Variants in C6orf62 observed in about 807,000 individuals in gnomAD.
C6orf62 encodes the protein uncharacterized protein C6orf62.
C6orf62 carries 16 observed loss-of-function variants against 26.8 expected under a neutral mutation model. The ratio of observed to expected loss-of-function variants is 0.60; its 90% CI spans 0.40 to 0.91. The LOEUF is 0.91. C6orf62 is among the 40% of genes least tolerant of loss of function. The pLI, the probability that C6orf62 is intolerant of heterozygous loss-of-function variation, is 0.00. For missense variants in C6orf62, 192 were observed against 271.4 expected (o/e 0.71, Z 2.06); for synonymous variants, 112 against 91.5 (o/e 1.22, Z -1.28).
At position 24,706,198 on chromosome 6, in the gene C6orf62, T is replaced by C. The variant is rs1355410740; in HGVS notation, c.629A>G (p.Gln210Arg). Residue 210 changes from glutamine (Q) to arginine (R), a missense_variant, in exon 5 of 5, where the codon CAG (glutamine) becomes CGG (arginine). Transcript: ENST00000378119. ...CSICLYLPQE[Q>R]LTHWAVGTIE... The stretch of plus-strand genomic sequence containing the variant: ...GGTGCCAACTGCCCAGTGGGTGAGC[T>C]GTTCCTGTGGCAGGTAGAGGCAGAT... The C allele has an allele frequency of 3.1e-6, 5 of 1,614,224 alleles. No individual in the cohort carries two copies. The highest frequency in any genetic ancestry group is 3.4e-6 in the Non-Finnish European group (4 of 1,180,044).
At chr6:24,715,848 CAAAAA>C (rs139717677) in intron 2 of C6orf62, among the ~76,000 whole-genome samples, 3 of 63,848 alleles carry the variant, frequency 4.7e-5, no homozygotes, top group East Asian at 4.6e-4. Context: ...GACTTTGTCT[CAAAAA>C]AAAAAAAAAA....
At chr6:24,715,206 G>C (rs1390249965) in intron 2 of C6orf62, among the ~76,000 whole-genome samples, 13 of 152,152 alleles carry the variant, frequency 8.5e-5, no homozygotes, top group Admixed American at 7.9e-4. Context: ...ATTGTAGCCA[G>C]CATATTAATT....
chr6:24,719,946 G>C (rs1221256874), upstream of C6orf62: 2 of 1,550,294 alleles, frequency 1.3e-6, no homozygotes, highest in African/African-American at 1.4e-5. Context: ...GGGCGGGAGA[G>C]GGTAAATGGG....
rs148471432 is a variant in C6orf62 at position 24,716,285 on chromosome 6, G to C, written c.169C>G (p.Pro57Ala). The C allele has an allele frequency of 5.0e-6, 8 of 1,613,780 alleles. No homozygotes were observed. Among genetic ancestry groups the C allele is most frequent in the Non-Finnish European group, 5.9e-6 (7 of 1,179,854 alleles). ...SALFEVSEVIPVMTNNYEENI... is the reference protein window; with the variant it reads ...SALFEVSEVIAVMTNNYEENI... ...TCTTCATAATTATTTGTCATGACTG[G>C]TATAACCTCAGACACTTCAAAAAGT... The change falls in exon 2 of 5, where the codon CCA (proline) becomes GCA (alanine). Residue 57 changes from proline (P) to alanine (A), a missense_variant. Transcript: ENST00000378119.
At chr6:24,713,303 G>A (rs1409675735) in intron 3 of C6orf62, among the ~76,000 whole-genome samples, 4 of 152,140 alleles carry the variant, frequency 2.6e-5, no homozygotes, top group African/African-American at 9.7e-5. Flanking sequence ...TCTTATGTAT[G>A]TAACCAATGG....
upstream of C6orf62, chr6:24,720,355 T>C: frequency 3.2e-6 from 4 of 1,236,250 alleles, no homozygotes; most frequent in Non-Finnish European, 2.0e-6. Context: ...ACCAGCCAAC[T>C]GAGCCCCTCC....
At chr6:24,719,231 G>T (rs1324120707), upstream of C6orf62, 2 of 986,084 alleles carry the variant, frequency 2.0e-6, no homozygotes, top group South Asian at 4.6e-5. Context: ...GAATGAAACT[G>T]AAATATCCAA....
intron 3 of C6orf62, chr6:24,709,301 T>TA (rs1779074836): frequency 1.0e-6 from 1 of 985,252 alleles, no homozygotes; most frequent in African/African-American, 1.7e-5. Context: ...TCCACGATCA[T>TA]AAAATTGTAT....
At chr6:24,707,184 A>C (rs1008265389) in intron 4 of C6orf62, 1 of 152,212 alleles carries the variant, frequency 6.6e-6, no homozygotes, top group Non-Finnish European at 1.5e-5. Flanking sequence ...TAAATGTAAC[A>C]ACCTTACGTT....
rs1165477957 is a variant in C6orf62 at position 24,705,304 on chromosome 6, C to A, written c.*833G>T. 1 of 152,352 alleles carries A rather than the reference C, an allele frequency of 6.6e-6. No individual in the cohort carries two copies. The highest frequency in any genetic ancestry group is 2.4e-5 in the African/African-American group (1 of 41,294). 9.4% of individuals were successfully genotyped at this position (152,352 alleles called of 1,614,324 possible). A position where few individuals can be genotyped will look rare whatever the true frequency, so the allele number is the denominator to read the frequency against. Reference sequence around the variant, plus strand: ...TTTCTTTGTAATAAAAATCTCTTCTCTGTAAAACCAAAAACAAAACAAAAC... The same window carrying A: ...TTTCTTTGTAATAAAAATCTCTTCTATGTAAAACCAAAAACAAAACAAAAC... On this transcript the variant is annotated 3_prime_UTR_variant, in exon 5 of 5. Transcript: ENST00000378119.
At chr6:24,713,520 AAAG>A (rs1410948784) in intron 3 of C6orf62, among the ~76,000 whole-genome samples, 56 of 152,222 alleles carry the variant, frequency 3.7e-4, no homozygotes. Context: ...AGCTTAAAAT[AAAG>A]AAGCCTTCTA....
At chr6:24,707,882 G>A (rs766312404) in intron 4 of C6orf62, among the ~76,000 whole-genome samples, 98 of 151,802 alleles carry the variant, frequency 6.5e-4, no homozygotes, top group Non-Finnish European at 2.1e-4. Context: ...GTGGTGGCGG[G>A]CACCTGTAGT....
chr6:24,707,856 A>AG (rs1239979546), intron 4 of C6orf62, among the ~76,000 whole-genome samples: 2 of 151,826 alleles, frequency 1.3e-5, no homozygotes, highest in Non-Finnish European at 2.9e-5. Flanking sequence ...CAAAAAAAAA[A>AG]AAAAATTAGC....
intron 4 of C6orf62, chr6:24,707,087 ACT>A (rs1427592355): frequency 5.9e-5 from 9 of 152,212 alleles, no homozygotes; most frequent in African/African-American, 2.2e-4. Flanking sequence ...CAAAATAAGG[ACT>A]CTGACTTTGA....
At chr6:24,708,743 G>A in intron 4 of C6orf62, 34 bp downstream of exon 4, 4 of 1,613,036 alleles carry the variant, frequency 2.5e-6, no homozygotes, top group African/African-American at 1.3e-5. Context: ...GTTTTTGAAT[G>A]AGCCTGTAAG....
chr6:24,711,204 T>C (rs1442287792), intron 3 of C6orf62, among the ~76,000 whole-genome samples: 1 of 151,990 alleles, frequency 6.6e-6, no homozygotes, highest in Admixed American at 6.6e-5. Context: ...TTCAATTCTA[T>C]CATATTGAAT....
Position 24,718,968 on chromosome 6 carries a change from G to A in C6orf62, c.-300C>T, listed in dbSNP as rs1417358310. ...AGAGGAGAAAATAACTAACTTTCTG[G>A]AAAACACATTTGGCTTAACTGCCAA... On this transcript the variant is annotated 5_prime_UTR_variant, in exon 1 of 5. Coordinates refer to ENST00000378119, the MANE Select transcript of C6orf62 (RefSeq NM_030939.5). The A allele has an allele frequency of 8.5e-7, 1 of 1,170,800 alleles. No homozygotes were observed. The allele number at this position is 1,170,800 out of a possible 1,614,324, so 72.5% of individuals were successfully genotyped here.
chr6:24,719,284 CTTAG>C, upstream of C6orf62: 1 of 989,342 alleles, frequency 1.0e-6, no homozygotes, highest in Non-Finnish European at 1.2e-6. Flanking sequence ...GTACCTAATT[CTTAG>C]TTATTTCAGA....
chr6:24,719,716 G>A (rs2127637443), upstream of C6orf62: 3 of 1,506,698 alleles, frequency 2.0e-6, no homozygotes, highest in East Asian at 2.5e-5. Flanking sequence ...AAATGGTGGG[G>A]AGTGCGATTT....
Sources: allele counts gnomAD v4.1 joint callset (sites outside exome capture counted in the v4.1 genomes callset), GRCh38; gene constraint gnomAD v4.1.1; transcripts MANE v1.5; gene names NCBI Gene and HGNC (gene_info 2026-07-23, HGNC 2026-07-21).